Variants in PASK observed in about 807,000 individuals in gnomAD.
The protein encoded by PASK is PAS domain-containing serine/threonine-protein kinase.
Under a neutral mutation model 121.0 loss-of-function variants are expected in PASK, and 110 were observed. The ratio of observed to expected loss-of-function variants is 0.91; its 90% CI spans 0.78 to 1.06. The LOEUF (loss-of-function observed/expected upper bound fraction) is 1.06. Among genes scored for constraint, PASK ranks in the 50% least tolerant of loss-of-function variants. PASK has a pLI of 0.00. For missense variants in PASK, 1,643 were observed against 1,702.3 expected, an observed-to-expected ratio of 0.97 and a Z score of 0.61; for synonymous variants, 686 against 717.8, an observed-to-expected ratio of 0.96 and a Z score of 0.71.
chr2:241,113,903 T>A, intron 14 of PASK: 1 of 984,690 alleles, frequency 1.0e-6, no homozygotes, highest in Non-Finnish European at 1.2e-6. Flanking sequence ...TGATGTGCGA[T>A]CATATACTTT....
chr2:241,149,809 G>C (rs1001519465), upstream of PASK: 1 of 1,531,682 alleles, frequency 6.5e-7, no homozygotes, highest in East Asian at 2.5e-5. Flanking sequence ...GTAGACGAAG[G>C]CTGCAGCGTC....
intron 9 of PASK, chr2:241,127,765 G>T (rs891986308): frequency 2.5e-6 from 1 of 399,896 alleles, no homozygotes; most frequent in Non-Finnish European, 4.7e-6. Flanking sequence ...CCCGTCAGCC[G>T]TGCAGCCTAG....
At chr2:241,142,725 T>G in intron 2 of PASK, 112 bp downstream of exon 2, 1 of 852,704 alleles carries the variant, frequency 1.2e-6, no homozygotes, top group South Asian at 1.4e-5. Flanking sequence ...AACTTTTCTC[T>G]GCAGGAATAG....
chr2:241,122,613 G>A (rs1021785034), intron 12 of PASK, 119 bp downstream of exon 12: 10 of 930,268 alleles, frequency 1.1e-5, no homozygotes, highest in Non-Finnish European at 1.1e-5. Flanking sequence ...GCCAGGTTGT[G>A]TGCTTGGTGC....
rs201783480 is a variant in PASK, at chr2:241,126,344, G to T, written c.2571C>A (p.Asp857Glu). The T allele has an allele frequency of 6.2e-7, 1 of 1,614,218 alleles. No individual in the cohort carries two copies. The highest frequency in any genetic ancestry group is 1.7e-5 in the Admixed American group (1 of 60,026). The change falls in exon 10 of 18, where the codon GAC becomes GAA. Residue 857 changes from aspartate to glutamate, a missense_variant. Physicochemically the swap from Asp to Glu is conservative, Grantham distance 45. Around this residue, in one of 3 missense-constraint regions of PASK, gnomAD observed 1,176 missense variants for 1,162.2 expected, o/e 1.01. Coordinates refer to ENST00000234040, the MANE Select transcript of PASK (RefSeq NM_015148.4). ...TTGGCTCCTCTGCTGATGGGCACGTGTCCTCAGGGCCAGCATCCAACGTGG... is the reference window on the plus strand; with the variant it reads ...TTGGCTCCTCTGCTGATGGGCACGTTTCCTCAGGGCCAGCATCCAACGTGG... ...VPSTLDAGPEDTCPSAEEPRL... is the reference protein window; with the variant it reads ...VPSTLDAGPEETCPSAEEPRL...
At chr2:241,135,520 A>G (rs1210488674) in intron 8 of PASK, among the ~76,000 whole-genome samples, 15 of 152,156 alleles carry the variant, frequency 9.9e-5, no homozygotes, top group Admixed American at 9.2e-4. Flanking sequence ...GATATGCTAC[A>G]TGGCTTCACT....
At chr2:241,123,473 C>T (rs925935636) in intron 11 of PASK, among the ~76,000 whole-genome samples, 2 of 151,960 alleles carry the variant, frequency 1.3e-5, no homozygotes, top group African/African-American at 4.8e-5. Context: ...CCACCATGCC[C>T]GACCTAAAGT....
chr2:241,139,805 T>C, intron 4 of PASK, 80 bp downstream of exon 4: 1 of 1,349,116 alleles, frequency 7.4e-7, no homozygotes, highest in Non-Finnish European at 1.1e-6. Flanking sequence ...GCAGAGCTCC[T>C]GGTAGGGAAC....
chr2:241,139,459 T>C (rs1244641904), intron 4 of PASK: 7 of 467,936 alleles, frequency 1.5e-5, no homozygotes, highest in African/African-American at 4.0e-5. Context: ...GAATCAACAC[T>C]GTCTAGGGAA....
chr2:241,140,496 C>T, intron 3 of PASK, 25 bp downstream of exon 3: 1 of 1,473,084 alleles, frequency 6.8e-7, no homozygotes, highest in East Asian at 2.3e-5. Flanking sequence ...ATCTACACAG[C>T]TGGATCTAAA....
Position 241,127,187 on chromosome 2 carries a change from C to A in PASK, c.1728G>T (p.Met576Ile). 6.2e-7 allele frequency: 1 copy of A among 1,614,238 alleles called. No individual in the cohort carries two copies. The highest frequency in any genetic ancestry group is 8.5e-7 in the Non-Finnish European group (1 of 1,180,044). The change falls in exon 10 of 18, where the codon ATG becomes ATT. Residue 576 changes from methionine to isoleucine, a missense_variant. Physicochemically the swap from Met to Ile is conservative, Grantham distance 10. Around this residue, in one of 3 missense-constraint regions of PASK, gnomAD observed 1,176 missense variants for 1,162.2 expected, o/e 1.01. Coordinates refer to ENST00000234040, the MANE Select transcript of PASK (RefSeq NM_015148.4). ...GLCQKAQLER[M>I]GVSGPSGSDL... ...CTGAACCGCTGGGACCACTGACTCC[C>A]ATCCGCTCTAGCTGGGCCTTCTGAC... is the stretch of plus-strand genomic sequence containing the variant.
upstream of PASK, chr2:241,150,314 A>G: frequency 7.5e-7 from 1 of 1,330,046 alleles, no homozygotes; most frequent in Non-Finnish European, 9.6e-7. Flanking sequence ...GCTCTGGGGG[A>G]GGCGCGGCGC....
intron 1 of PASK, 53 bp downstream of exon 1, chr2:241,149,360 CG>C: frequency 3.1e-6 from 1 of 325,330 alleles, no homozygotes; most frequent in Non-Finnish European, 5.7e-6. Context: ...GCCCCACAGC[CG>C]CCCTGGGGAG....
In PASK at chr2:241,117,024, C is replaced by T. The variant is rs537003011; in HGVS notation, c.3073-1611G>A. ...GGAAGGCCCTCCAGGCAGAGGGCAG[C>T]GGGAGCACAGGACTGTGGCAGAGCG... On this transcript the variant is annotated intron_variant, in intron 12 of 17. Coordinates refer to ENST00000234040, the MANE Select transcript of PASK (RefSeq NM_015148.4). 9.9e-5 allele frequency among the ~76,000 whole-genome samples: 15 copies of T among 152,010 alleles called. 1 individual carries two copies. In the South Asian group the frequency reaches 2.9e-3, roughly 30 times the overall value.
chr2:241,142,886 G>T lies in PASK; in HGVS notation c.147C>A (p.Ser49Arg). 6.2e-7 allele frequency: 1 copy of T among 1,614,074 alleles called. No homozygotes were observed. Among genetic ancestry groups the T allele is most frequent in the Non-Finnish European group, 8.5e-7 (1 of 1,179,956 alleles). ...RSFSSAHRHLSRRNGLSRLCQ... is the reference protein window; with the variant it reads ...RSFSSAHRHLRRRNGLSRLCQ... ...AGAGTCTGGAAAGCCCATTCCTTCTGCTCAGGTGTCTGTGGGCTGAGGAAA... is the reference window on the plus strand; with the variant it reads ...AGAGTCTGGAAAGCCCATTCCTTCTTCTCAGGTGTCTGTGGGCTGAGGAAA... The change falls in exon 2 of 18, where the codon AGC becomes AGA. Residue 49 changes from serine to arginine, a missense_variant. Coordinates refer to ENST00000234040, the MANE Select transcript of PASK (RefSeq NM_015148.4).
intron 12 of PASK, among the ~76,000 whole-genome samples, chr2:241,121,255 G>A (rs183947889): frequency 2.0e-5 from 3 of 152,292 alleles, no homozygotes; most frequent in South Asian, 2.1e-4. Context: ...AATGTTCTTC[G>A]TTTGTGGTGA....
chr2:241,128,820 G>A (rs1185951199), intron 9 of PASK, among the ~76,000 whole-genome samples: 2 of 151,676 alleles, frequency 1.3e-5, no homozygotes, highest in Non-Finnish European at 2.9e-5. Context: ...AGCTGTGATC[G>A]CACCACTGCA....
intron 9 of PASK, among the ~76,000 whole-genome samples, chr2:241,132,435 T>G (rs1468891432): frequency 7.3e-6 from 1 of 136,282 alleles, no homozygotes; most frequent in East Asian, 2.2e-4. Context: ...GAGAATGGTG[T>G]GAACCCGGGA....
rs2065919517 is a variant in PASK, at chr2:241,127,360, GT to G, written c.1554del (p.Glu518AspfsTer5). On this transcript the variant is annotated frameshift_variant, in exon 10 of 18. Transcript: ENST00000234040. LOFTEE classifies it high-confidence loss of function. ...DQQITALGRE[E>X]PVAIESPGQD... ...TGTCCGGGGCTCTCTATTGCCACAGGTTCCTCTCTCCCCAAGGCAGTGATTT... is the reference window on the plus strand; with the variant it reads ...TGTCCGGGGCTCTCTATTGCCACAGGTCCTCTCTCCCCAAGGCAGTGATTT... The G allele has an allele frequency of 6.2e-7, 1 of 1,613,992 alleles. No homozygotes were observed. The highest frequency in any genetic ancestry group is 1.7e-5 in the Admixed American group (1 of 60,002).
Sources: allele counts gnomAD v4.1 joint callset (sites outside exome capture counted in the v4.1 genomes callset), GRCh38; gene constraint gnomAD v4.1.1; regional missense constraint gnomAD v4.1.1; transcripts MANE v1.5; gene names NCBI Gene and HGNC (gene_info 2026-07-23, HGNC 2026-07-21).